The following MCC variants were observed in gnomAD, a reference collection of about 807,000 sequenced individuals.
MCC encodes MCC regulator of Wnt signaling pathway.
In MCC, 90 loss-of-function variants were observed where a neutral mutation model predicts 116.2. The ratio of observed to expected loss-of-function variants is 0.77; its 90% CI spans 0.65 to 0.92. The LOEUF is 0.92. Among genes scored for constraint, MCC ranks in the 40% least tolerant of loss-of-function variants. MCC has a pLI of 0.00. For synonymous variants in MCC, 578 were observed against 510.5 expected (o/e 1.13, Z -1.78); for missense variants, 1,516 against 1,312.2 (o/e 1.16, Z -2.40).
At chr5:113,274,466 T>C (rs1475599573) in intron 3 of MCC, among the ~76,000 whole-genome samples, 1 of 152,158 alleles carries the variant, frequency 6.6e-6, no homozygotes, top group Non-Finnish European at 1.5e-5. Flanking sequence ...TTCAAATGAT[T>C]CTCCTGCCAC....
intron 6 of MCC, among the ~76,000 whole-genome samples, chr5:113,120,958 A>C (rs770476051): frequency 1.3e-5 from 2 of 152,184 alleles, no homozygotes; most frequent in Non-Finnish European, 2.9e-5. Context: ...TCCTGCCCCA[A>C]GCAAAACAAA....
intron 13 of MCC, among the ~76,000 whole-genome samples, chr5:113,064,947 G>C (rs1025478364): frequency 6.6e-6 from 1 of 152,160 alleles, no homozygotes; most frequent in Non-Finnish European, 1.5e-5. Flanking sequence ...CTTGAACTTA[G>C]GAGTTCAAAT....
Position 113,084,132 on chromosome 5 carries a change from G to A in MCC, c.1604C>T (p.Pro535Leu), listed in dbSNP as rs1452248230. Residue 535 changes from proline (P) to leucine (L), a missense_variant, in exon 10 of 19, where the codon CCA (proline) becomes CTA (leucine). Coordinates refer to ENST00000408903, the MANE Select transcript of MCC (RefSeq NM_001085377.2). ...TRSESSSSDR[P>L]VLGSEISSIG... The stretch of plus-strand genomic sequence containing the variant: ...GCTACTGATTTCTGAGCCCAGGACT[G>A]GCCGATCAGATGATGACGATTCGGA... 1 of 1,614,082 alleles carries A rather than the reference G, an allele frequency of 6.2e-7. No homozygotes were observed. The highest frequency in any genetic ancestry group is 8.5e-7 in the Non-Finnish European group (1 of 1,179,984).
intron 3 of MCC, among the ~76,000 whole-genome samples, chr5:113,187,417 T>C (rs1265002438): frequency 1.3e-5 from 2 of 152,082 alleles, no homozygotes; most frequent in African/African-American, 4.8e-5. Context: ...CCTCCTCTGT[T>C]TCCTTTTAAG....
intron 3 of MCC, among the ~76,000 whole-genome samples, chr5:113,265,473 A>C (rs992592090): frequency 2.0e-5 from 3 of 152,172 alleles, no homozygotes; most frequent in Non-Finnish European, 4.4e-5. Flanking sequence ...CGTACTTAGA[A>C]TCTTATACTC....
At chr5:113,419,735 A>G (rs924404354) in intron 1 of MCC, among the ~76,000 whole-genome samples, 2 of 151,252 alleles carry the variant, frequency 1.3e-5, no homozygotes, top group Non-Finnish European at 2.9e-5. Flanking sequence ...CATGGATGAA[A>G]CTGGAAACCA....
rs6859059 is a variant in MCC, at chr5:113,048,594, A to C, written c.2655+499T>G. The C allele has an allele frequency of 8.6e-3, 1,433 of 167,454 alleles. 29 individuals are homozygous for C. Among genetic ancestry groups the C allele is most frequent in the African/African-American group, 0.032 (1,356 of 42,218 alleles). 10.4% of individuals were successfully genotyped at this position (167,454 alleles called of 1,614,324 possible). ...TTCTATTAATATTTTATTAGTTGTT[A>C]ATCTTTTACTGTGCCTAATTTATAA... is the stretch of plus-strand genomic sequence containing the variant. On this transcript the variant is annotated intron_variant, in intron 16 of 18. Transcript: ENST00000408903.
At chr5:113,120,583 C>A (rs1037875020) in intron 6 of MCC, among the ~76,000 whole-genome samples, 4 of 152,166 alleles carry the variant, frequency 2.6e-5, no homozygotes, top group African/African-American at 9.7e-5. Flanking sequence ...CATTCATTCC[C>A]ACTACTATCT....
intron 3 of MCC, among the ~76,000 whole-genome samples, chr5:113,305,290 T>G (rs1415872328): frequency 1.3e-5 from 2 of 152,192 alleles, no homozygotes; most frequent in Non-Finnish European, 2.9e-5. Context: ...GATTATCACA[T>G]GAGCTCAAAC....
intron 2 of MCC, among the ~76,000 whole-genome samples, chr5:113,345,102 G>T (rs550492957): frequency 3.0e-4 from 46 of 152,230 alleles, no homozygotes; most frequent in African/African-American, 1.1e-3. Context: ...TGCACTTTAA[G>T]GGAACATTGA....
chr5:113,385,298 C>A (rs1769228380), intron 1 of MCC, 86 bp from the exon 2 acceptor site: 7 of 1,354,004 alleles, frequency 5.2e-6, no homozygotes, highest in Non-Finnish European at 7.1e-6. Context: ...AAAGGTATTT[C>A]TTAAATATAT....
chr5:113,115,415 T>G (rs1240264239), intron 6 of MCC, among the ~76,000 whole-genome samples: 2 of 152,236 alleles, frequency 1.3e-5, no homozygotes, highest in African/African-American at 4.8e-5. Context: ...AGTAAAATCT[T>G]ACCAGCTGGG....
chr5:113,447,627 A>G (rs1771260479), intron 1 of MCC, among the ~76,000 whole-genome samples: 1 of 152,210 alleles, frequency 6.6e-6, no homozygotes, highest in African/African-American at 2.4e-5. Flanking sequence ...TAGTTGGCTC[A>G]TTCCCTAAGG....
intron 3 of MCC, among the ~76,000 whole-genome samples, chr5:113,197,682 T>TA (rs1762479774): frequency 6.6e-6 from 1 of 152,208 alleles, no homozygotes; most frequent in East Asian, 1.9e-4. Context: ...CCCTATGTAT[T>TA]AAGCACTTTA....
intron 3 of MCC, among the ~76,000 whole-genome samples, chr5:113,320,908 T>C (rs1288745014): frequency 2.6e-5 from 4 of 152,240 alleles, no homozygotes; most frequent in Admixed American, 2.6e-4. Flanking sequence ...AGTACCAATG[T>C]AACACTCATG....
At chr5:113,030,716 G>C (rs1379361021) in intron 17 of MCC, among the ~76,000 whole-genome samples, 2 of 152,130 alleles carry the variant, frequency 1.3e-5, no homozygotes, top group African/African-American at 4.8e-5. Flanking sequence ...ACTGGCATGG[G>C]AGGATATCTG....
intron 3 of MCC, among the ~76,000 whole-genome samples, chr5:113,195,798 T>G (rs951557396): frequency 5.3e-5 from 8 of 152,230 alleles, no homozygotes. Flanking sequence ...TTGGTGGCAG[T>G]GCCCTTCTGC....
intron 1 of MCC, among the ~76,000 whole-genome samples, chr5:113,483,706 G>C (rs1337195360): frequency 6.6e-6 from 1 of 151,998 alleles, no homozygotes; most frequent in South Asian, 2.1e-4. Flanking sequence ...ATACTCAAAG[G>C]AATATAAATC....
intron 1 of MCC, among the ~76,000 whole-genome samples, chr5:113,444,828 T>TAAC (rs766536232): frequency 6.6e-6 from 1 of 152,180 alleles, no homozygotes; most frequent in Admixed American, 6.5e-5. Flanking sequence ...CTGATGACGA[T>TAAC]AACAACAACA....
Sources: gnomAD v4.1 joint callset for allele counts (sites outside exome capture counted in the v4.1 genomes callset) on GRCh38, gnomAD v4.1.1 for gene constraint, MANE v1.5 for transcripts, NCBI Gene and HGNC (gene_info 2026-07-23, HGNC 2026-07-21) for gene names.